The following UBR1 variants were observed in gnomAD, a reference collection of about 807,000 sequenced individuals.
UBR1 encodes the protein ubiquitin protein ligase E3 component n-recognin 1, also known as E3 ubiquitin-protein ligase UBR1.
UBR1 carries 102 observed loss-of-function variants against 242.1 expected under a neutral mutation model. The ratio of observed to expected loss-of-function variants is 0.42; its 90% CI spans 0.36 to 0.50. The LOEUF is 0.50. UBR1 is among the 20% of genes least tolerant of loss of function. UBR1 has a pLI of 0.01. For synonymous variants in UBR1, 675 were observed against 684.8 expected (o/e 0.99, Z 0.22); for missense variants, 1,772 against 2,101.8 (o/e 0.84, Z 3.07).
At position 43,048,399 on chromosome 15, in the gene UBR1, C is replaced by T; in HGVS notation, c.1532G>A (p.Cys511Tyr). The T allele has an allele frequency of 1.9e-6, 3 of 1,611,240 alleles. No homozygotes were observed. The highest frequency in any genetic ancestry group is 2.5e-6 in the Non-Finnish European group (3 of 1,178,292). ...GFRSFLKILTCMQGMEEIRRQ... is the reference protein window; with the variant it reads ...GFRSFLKILTYMQGMEEIRRQ... Reference sequence around the variant, plus strand: ...ACAGAAAAATGATCATACCTGCATACAGGTAAGAATCTTCAAAAAAGATCG... The same window carrying T: ...ACAGAAAAATGATCATACCTGCATATAGGTAAGAATCTTCAAAAAAGATCG... The change falls in exon 13 of 47, where the codon TGT becomes TAT. Residue 511 changes from cysteine to tyrosine, a missense_variant. Physicochemically the swap from Cys to Tyr is radical, Grantham distance 194. Coordinates refer to ENST00000290650, the MANE Select transcript of UBR1 (RefSeq NM_174916.3).
rs757601492 is a variant in UBR1, at chr15:43,056,452, A to G, written c.1183-10T>C. The G allele has an allele frequency of 2.4e-5, 37 of 1,552,320 alleles. No individual in the cohort carries two copies. The highest frequency in any genetic ancestry group is 2.8e-5 in the Non-Finnish European group (32 of 1,124,366). On this transcript the variant is annotated splice_polypyrimidine_tract_variant and intron_variant, in intron 10 of 46. Transcript: ENST00000290650. ...GCAGTTGTTTATAATACTGAAATAT[A>G]TAAGTAGAGAATCAATTATAAATCA...
At chr15:43,098,745 T>C (rs577072846) in intron 1 of UBR1, among the ~76,000 whole-genome samples, 9 of 152,294 alleles carry the variant, frequency 5.9e-5, no homozygotes, top group African/African-American at 2.2e-4. Flanking sequence ...TCTAATTCTA[T>C]AGAATCTGGC....
chr15:42,986,354 C>T (rs1228957056), intron 35 of UBR1, among the ~76,000 whole-genome samples: 2 of 152,054 alleles, frequency 1.3e-5, no homozygotes, highest in Non-Finnish European at 2.9e-5. Context: ...AAATGGAATC[C>T]AATTACTAGA....
At chr15:43,060,237 TA>T in intron 6 of UBR1, 123 bp from the exon 7 acceptor site, 2 of 911,610 alleles carry the variant, frequency 2.2e-6, no homozygotes, top group Non-Finnish European at 3.7e-6. Flanking sequence ...CTAAAAGTTG[TA>T]AGATACCGGA....
rs552988795 is a variant in UBR1, at chr15:43,029,248, AC to A, written c.2379+695del. 6.2e-4 allele frequency among the ~76,000 whole-genome samples: 95 copies of A among 152,308 alleles called. 1 individual carries two copies. The highest frequency in any genetic ancestry group is 3.4e-3 in the Middle Eastern group (1 of 294). On this transcript the variant is annotated intron_variant, in intron 21 of 46. Coordinates refer to ENST00000290650, the MANE Select transcript of UBR1 (RefSeq NM_174916.3). ...AAATCTCAGAGGGAAAAAACATGAG[AC>A]TCATAATCTGTAGGACTATTACCAC...
At chr15:43,004,018 C>G in intron 30 of UBR1, 88 bp from the exon 31 acceptor site, 1 of 1,084,930 alleles carries the variant, frequency 9.2e-7, no homozygotes. Flanking sequence ...AATGTCCAAG[C>G]AAAGTGTCAC....
At chr15:42,965,760 C>G (rs1420155151) in intron 41 of UBR1, among the ~76,000 whole-genome samples, 1 of 152,178 alleles carries the variant, frequency 6.6e-6, no homozygotes, top group African/African-American at 2.4e-5. Context: ...AGCCACCACA[C>G]CCGGCCTACA....
chr15:43,022,604 ACT>A (rs1468493581), intron 26 of UBR1, 96 bp downstream of exon 26: 11 of 850,246 alleles, frequency 1.3e-5, no homozygotes, highest in Middle Eastern at 3.4e-4. Context: ...ACAGATTAAA[ACT>A]CTGTAAGATA....
intron 35 of UBR1, among the ~76,000 whole-genome samples, chr15:42,985,221 A>C (rs2032440542): frequency 6.6e-6 from 1 of 152,194 alleles, no homozygotes; most frequent in Admixed American, 6.6e-5. Flanking sequence ...AGCAGCCTGG[A>C]CTGCTTCTTC....
rs200217429 is a variant in UBR1, at chr15:43,070,866, T to A, written c.588A>T (p.Ser196=). Residue 196 remains serine, a synonymous_variant, in exon 5 of 47, where the codon TCA becomes TCT. Transcript: ENST00000290650. ...TCATTTCTACGACATATTTTATCAC[T>A]GAAGGAAATATTTTCCTGGCTTGGA... is the stretch of plus-strand genomic sequence containing the variant. ...VIVQARKIFP[S]VIKYVVEMTI... The A allele has an allele frequency of 6.7e-5, 108 of 1,613,778 alleles. No individual in the cohort carries two copies. The highest frequency in any genetic ancestry group is 6.6e-4 in the Middle Eastern group (4 of 6,080).
At chr15:43,068,425 A>T (rs990702564) in intron 5 of UBR1, among the ~76,000 whole-genome samples, 1 of 152,010 alleles carries the variant, frequency 6.6e-6, no homozygotes, top group African/African-American at 2.4e-5. Context: ...GAGCTCAAGC[A>T]ATCCGCCTGT....
chr15:42,958,678 C>G (rs570736710), intron 43 of UBR1, among the ~76,000 whole-genome samples: 4 of 152,110 alleles, frequency 2.6e-5, no homozygotes, highest in Non-Finnish European at 4.4e-5. Flanking sequence ...AAGTAAAACA[C>G]AATATACTTA....
At chr15:43,091,180 C>T (rs1472099622) in intron 1 of UBR1, among the ~76,000 whole-genome samples, 5 of 152,048 alleles carry the variant, frequency 3.3e-5, no homozygotes, top group East Asian at 1.9e-4. Flanking sequence ...TCAGGTGATC[C>T]GCCCACCTCA....
At position 42,947,948 on chromosome 15, in the gene UBR1, T is replaced by C. The variant is rs534257947; in HGVS notation, c.5108+2314A>G. On this transcript the variant is annotated intron_variant, in intron 46 of 46. Transcript: ENST00000290650. ...GGAAAAAACTACTTTAAAGTTCATATGGAACCAAAAAAGAGCCTGCATTGC... is the reference window on the plus strand; with the variant it reads ...GGAAAAAACTACTTTAAAGTTCATACGGAACCAAAAAAGAGCCTGCATTGC... 3.4e-3 allele frequency among the ~76,000 whole-genome samples: 525 copies of C among 152,188 alleles called. 2 individuals carry two copies. The highest frequency in any genetic ancestry group is 0.012 in the African/African-American group (501 of 41,524).
At chr15:42,998,315 T>C (rs1052599678) in intron 32 of UBR1, 50 bp from the exon 33 acceptor site, 24 of 1,496,456 alleles carry the variant, frequency 1.6e-5, no homozygotes, top group Non-Finnish European at 2.0e-5. Context: ...CAAAGTCAAA[T>C]GGAAAAGCTG....
chr15:42,978,225 A>C (rs771603378), intron 37 of UBR1, among the ~76,000 whole-genome samples: 1 of 152,234 alleles, frequency 6.6e-6, no homozygotes, highest in Non-Finnish European at 1.5e-5. Flanking sequence ...ATTGTTAAAG[A>C]AACATTTGTT....
intron 6 of UBR1, among the ~76,000 whole-genome samples, chr15:43,062,482 G>C (rs1291837306): frequency 6.6e-6 from 1 of 152,100 alleles, no homozygotes; most frequent in Non-Finnish European, 1.5e-5. Flanking sequence ...TAAAGTTTCA[G>C]TTTTGCAAGA....
intron 42 of UBR1, among the ~76,000 whole-genome samples, chr15:42,962,016 G>A (rs900694265): frequency 1.3e-5 from 2 of 151,440 alleles, no homozygotes; most frequent in Non-Finnish European, 2.9e-5. Context: ...CAAAGTGCTG[G>A]GATTACAGGT....
chr15:43,082,883 T>TA (rs1795809245), intron 2 of UBR1, among the ~76,000 whole-genome samples, 167 bp from the exon 3 acceptor site: 1 of 152,248 alleles, frequency 6.6e-6, no homozygotes, highest in Admixed American at 6.5e-5. Flanking sequence ...ATAATATTGC[T>TA]AGCACAACTT....
Sources: allele counts gnomAD v4.1 joint callset (sites outside exome capture counted in the v4.1 genomes callset), GRCh38; gene constraint gnomAD v4.1.1; transcripts MANE v1.5; gene names NCBI Gene and HGNC (gene_info 2026-07-23, HGNC 2026-07-21).